Variants in SKIC3 observed in about 807,000 individuals in gnomAD.
The protein encoded by SKIC3 is superkiller complex protein 3.
the SKIC3 span, chr5:95,498,698 T>C: frequency 9.6e-7 from 1 of 1,043,524 alleles, no homozygotes; most frequent in African/African-American, 1.6e-5. Flanking sequence ...CCATCTCGGC[T>C]CACTGCAAGC....
the SKIC3 span, chr5:95,467,741 T>C: frequency 1.4e-6 from 2 of 1,387,696 alleles, no homozygotes; most frequent in East Asian, 5.0e-5. Flanking sequence ...CACACTCAGT[T>C]TTTAAAAATT....
the SKIC3 span, chr5:95,497,611 C>T: frequency 8.4e-5 from 59 of 705,950 alleles, 1 homozygote; most frequent in Middle Eastern, 4.8e-4. Flanking sequence ...ATATTAATTG[C>T]GCATGTTTGG....
At chr5:95,516,589 GA>G in the SKIC3 span, 1 of 1,613,192 alleles carries the variant, frequency 6.2e-7, no homozygotes, top group Middle Eastern at 1.7e-4. Flanking sequence ...TCCAATACCT[GA>G]AAAATACAAA....
the SKIC3 span, among the ~76,000 whole-genome samples, chr5:95,473,878 C>T: frequency 6.6e-6 from 1 of 152,104 alleles, no homozygotes; most frequent in Non-Finnish European, 1.5e-5. Flanking sequence ...TTACTCTGTA[C>T]ATAGTTTCTT....
At chr5:95,520,302 C>G in the SKIC3 span, among the ~76,000 whole-genome samples, 1 of 151,640 alleles carries the variant, frequency 6.6e-6, no homozygotes, top group East Asian at 1.9e-4. Context: ...CCTTCAAGAC[C>G]TACTAATAAT....
the SKIC3 span, among the ~76,000 whole-genome samples, chr5:95,489,502 T>A: frequency 8.3e-5 from 10 of 121,138 alleles, no homozygotes; most frequent in Non-Finnish European, 6.9e-5. Context: ...TTGCAACCAG[T>A]AAAAAAGGGC....
the SKIC3 span, chr5:95,464,514 G>T: frequency 1.0e-6 from 1 of 999,252 alleles, no homozygotes; most frequent in Non-Finnish European, 1.5e-6. Context: ...AATAAATATA[G>T]TTTAAAAAAA....
the SKIC3 span, among the ~76,000 whole-genome samples, chr5:95,470,406 G>A: frequency 1.4e-4 from 22 of 152,112 alleles, no homozygotes; most frequent in Admixed American, 4.6e-4. Context: ...GGGGTAGACT[G>A]GGATAAAGGA....
chr5:95,523,358 A>G, the SKIC3 span: 2 of 1,580,524 alleles, frequency 1.3e-6, no homozygotes, highest in African/African-American at 2.7e-5. Flanking sequence ...TATTAGATAT[A>G]TTGAACATTA....
the SKIC3 span, among the ~76,000 whole-genome samples, chr5:95,537,675 C>T: frequency 3.7e-4 from 57 of 152,262 alleles, no homozygotes; most frequent in East Asian, 1.7e-3. Flanking sequence ...CATCACTTCT[C>T]TTATGCAGTA....
chr5:95,475,548 T>C, the SKIC3 span, among the ~76,000 whole-genome samples: 4 of 152,312 alleles, frequency 2.6e-5, no homozygotes, highest in South Asian at 8.3e-4. Context: ...ATGCTTACTG[T>C]ACAGCCTGTG....
chr5:95,468,780 G>A, the SKIC3 span, among the ~76,000 whole-genome samples: 2 of 152,106 alleles, frequency 1.3e-5, no homozygotes, highest in East Asian at 1.9e-4. Context: ...TTTTGAAGGC[G>A]ATAAAAATTA....
the SKIC3 span, among the ~76,000 whole-genome samples, chr5:95,474,383 A>C: frequency 1.3e-5 from 2 of 152,198 alleles, no homozygotes; most frequent in African/African-American, 4.8e-5. Flanking sequence ...TTCATTAAGG[A>C]TGCTTCAAAA....
the SKIC3 span, among the ~76,000 whole-genome samples, chr5:95,525,075 G>T: frequency 6.6e-6 from 1 of 151,758 alleles, no homozygotes; most frequent in Non-Finnish European, 1.5e-5. Context: ...GTAGAGATGG[G>T]GTTTCATCGT....
the SKIC3 span, among the ~76,000 whole-genome samples, chr5:95,535,147 A>C: frequency 3.3e-5 from 5 of 152,068 alleles, no homozygotes. Context: ...TGTCCTGCAC[A>C]CCATGTTAGT....
At chr5:95,504,312 G>A in the SKIC3 span, among the ~76,000 whole-genome samples, 1 of 149,702 alleles carries the variant, frequency 6.7e-6, no homozygotes, top group Non-Finnish European at 1.5e-5. Context: ...CTCCAGCCTG[G>A]GCAAGACAGA....
chr5:95,471,292 G>A, the SKIC3 span, among the ~76,000 whole-genome samples: 1 of 152,114 alleles, frequency 6.6e-6, no homozygotes, highest in South Asian at 2.1e-4. Context: ...TAAATTCTAT[G>A]AAATCATATA....
chr5:95,481,841 A>G, the SKIC3 span, among the ~76,000 whole-genome samples: 4 of 152,240 alleles, frequency 2.6e-5, no homozygotes, highest in African/African-American at 9.6e-5. Context: ...AAAACAAATT[A>G]TAGTAAGATA....
chr5:95,505,081 C>A, the SKIC3 span, among the ~76,000 whole-genome samples: 4 of 151,968 alleles, frequency 2.6e-5, no homozygotes, highest in African/African-American at 4.8e-5. Flanking sequence ...AGAAAAATAA[C>A]TTGTTTTTGC....
Sources: gnomAD v4.1 joint callset for allele counts (sites outside exome capture counted in the v4.1 genomes callset) on GRCh38, gnomAD v4.1.1 for gene constraint, MANE v1.5 for transcripts, NCBI Gene and HGNC (gene_info 2026-07-23, HGNC 2026-07-21) for gene names.